ATP10A: variants seen among roughly 807,000 people sequenced by gnomAD.
The protein encoded by ATP10A is phospholipid-transporting ATPase VA.
In ATP10A, 111 loss-of-function variants were observed where a neutral mutation model predicts 147.8. The ratio of observed to expected loss-of-function variants is 0.75; its 90% confidence interval spans 0.64 to 0.88. ATP10A has a LOEUF of 0.88. ATP10A is among the 40% of genes least tolerant of loss of function. ATP10A has a pLI of 0.00. For synonymous variants in ATP10A, 875 were observed against 841.6 expected (o/e 1.04, Z -0.69); for missense variants, 1,927 against 1,959.0 (o/e 0.98, Z 0.31).
chr15:25,774,741 A>G (rs1889524644), intron 2 of ATP10A, among the ~76,000 whole-genome samples: 1 of 152,204 alleles, frequency 6.6e-6, no homozygotes, highest in Admixed American at 6.5e-5. Context: ...AAATAAACAC[A>G]GTTAATATGA....
At chr15:25,709,915 G>A in intron 10 of ATP10A, 1 of 152,242 alleles carries the variant, frequency 6.6e-6, no homozygotes, top group Non-Finnish European at 1.5e-5. Flanking sequence ...ACTCTGATGG[G>A]GGGTAGGAGA....
At chr15:25,726,132 G>T in intron 4 of ATP10A, 50 bp from the exon 5 acceptor site, 1 of 1,590,340 alleles carries the variant, frequency 6.3e-7, no homozygotes, top group South Asian at 1.1e-5. Context: ...GGAGCTAAGG[G>T]ACCAGCTGCA....
chr15:25,803,636 T>C (rs1306849733), intron 1 of ATP10A, among the ~76,000 whole-genome samples: 2 of 152,182 alleles, frequency 1.3e-5, no homozygotes, highest in African/African-American at 2.4e-5. Flanking sequence ...TACACACGTA[T>C]ACATTCCCCA....
chr15:25,701,438 G>C (rs1419081138), intron 13 of ATP10A, among the ~76,000 whole-genome samples: 4 of 152,320 alleles, frequency 2.6e-5, no homozygotes, highest in African/African-American at 9.6e-5. Context: ...GAAAGCCGGC[G>C]CAAGAAGTTT....
intron 6 of ATP10A, among the ~76,000 whole-genome samples, chr15:25,723,058 A>G (rs1567333287): frequency 6.6e-6 from 1 of 152,222 alleles, no homozygotes; most frequent in Admixed American, 6.5e-5. Context: ...TGTTCAAAGC[A>G]AAGGACTAGG....
chr15:25,696,589 G>C (rs1567308105), intron 13 of ATP10A, among the ~76,000 whole-genome samples: 1 of 152,226 alleles, frequency 6.6e-6, no homozygotes, highest in East Asian at 1.9e-4. Context: ...CGATGGACCG[G>C]GAGAGGAGAC....
Position 25,714,175 on chromosome 15 carries a change from G to A in ATP10A, c.1843C>T (p.Pro615Ser). The change falls in exon 10 of 21, where the codon CCC becomes TCC. Residue 615 changes from proline (P) to serine (S), a missense_variant. Physicochemically the swap from Pro to Ser is moderately conservative, Grantham distance 74. Coordinates refer to ENST00000555815, the MANE Select transcript of ATP10A (RefSeq NM_024490.4). ...CTGCAGCCTGAGGTCAGGCAGCTGG[G>A]TGTGAACCTCCGCAGGAAGTCTTCT... is the stretch of plus-strand genomic sequence containing the variant. ...TIEDFLRRFT[P>S]SCLTSGCSSI... 3.7e-6 allele frequency: 6 copies of A among 1,608,396 alleles called. No individual in the cohort carries two copies. Among genetic ancestry groups the A allele is most frequent in the Non-Finnish European group, 4.2e-6 (5 of 1,180,010 alleles).
intron 7 of ATP10A, 63 bp downstream of exon 7, chr15:25,721,594 A>T: frequency 6.5e-7 from 1 of 1,546,920 alleles, no homozygotes; most frequent in Non-Finnish European, 8.8e-7. Context: ...GTCTCCAAAC[A>T]ATTCTGGATA....
At chr15:25,763,723 A>G (rs1307188524) in intron 2 of ATP10A, among the ~76,000 whole-genome samples, 1 of 152,174 alleles carries the variant, frequency 6.6e-6, no homozygotes, top group East Asian at 1.9e-4. Flanking sequence ...TGCTGTTAAT[A>G]ATTAACTACT....
At chr15:25,693,699 C>T (rs1431721579) in intron 14 of ATP10A, among the ~76,000 whole-genome samples, 4 of 152,298 alleles carry the variant, frequency 2.6e-5, no homozygotes, top group South Asian at 2.1e-4. Flanking sequence ...CTGTTAGGTT[C>T]CCCGGGCCTC....
chr15:25,713,063 G>A (rs1185834252), intron 10 of ATP10A, among the ~76,000 whole-genome samples: 1 of 152,212 alleles, frequency 6.6e-6, no homozygotes, highest in Non-Finnish European at 1.5e-5. Flanking sequence ...GAAGCCCGTG[G>A]CAGGCAGTAG....
intron 3 of ATP10A, among the ~76,000 whole-genome samples, chr15:25,730,751 G>A (rs1902933047): frequency 6.6e-6 from 1 of 151,836 alleles, no homozygotes; most frequent in Admixed American, 6.6e-5. Flanking sequence ...ATAATCAGAT[G>A]TTCATATTTT....
chr15:25,701,771 A>C lies in ATP10A; in HGVS notation c.2760+145T>G, dbSNP rs559812292. 10 of 741,118 alleles carry C rather than the reference A, an allele frequency of 1.3e-5. No individual in the cohort carries two copies. In the South Asian group the frequency reaches 2.1e-4, roughly 16 times the overall value. The allele number at this position is 741,118 out of a possible 1,614,324, so 45.9% of individuals were successfully genotyped here. A position where few individuals can be genotyped will look rare whatever the true frequency, so the allele number is the denominator to read the frequency against. ...CAGCAAACTTTACCTCTTCCAAGGC[A>C]ATAACATGCACATCCTAAACCCGAA... On this transcript the variant is annotated intron_variant, in intron 13 of 20. Transcript: ENST00000555815.
chr15:25,685,395 G>A (rs757927771), intron 16 of ATP10A, among the ~76,000 whole-genome samples: 4 of 152,158 alleles, frequency 2.6e-5, no homozygotes, highest in Non-Finnish European at 4.4e-5. Flanking sequence ...CCCGTTCCAG[G>A]TGACCACTAG....
intron 5 of ATP10A, among the ~76,000 whole-genome samples, chr15:25,725,022 T>A (rs558432591): frequency 3.3e-5 from 5 of 152,352 alleles, no homozygotes; most frequent in Middle Eastern, 6.8e-3. Context: ...AGACTGGTAC[T>A]GGTCCATGGC....
intron 15 of ATP10A, among the ~76,000 whole-genome samples, chr15:25,688,731 CAAGTGGTA>C (rs1899840713): frequency 6.6e-6 from 1 of 152,202 alleles, no homozygotes; most frequent in Admixed American, 6.5e-5. Context: ...AGTTATGCCT[CAAGTGGTA>C]CGCTTGAAAT....
intron 2 of ATP10A, among the ~76,000 whole-genome samples, chr15:25,754,346 G>A (rs1224745482): frequency 6.6e-6 from 1 of 152,142 alleles, no homozygotes; most frequent in African/African-American, 2.4e-5. Context: ...GTGTTGGCCA[G>A]GATGGTCTCG....
intron 1 of ATP10A, among the ~76,000 whole-genome samples, chr15:25,824,282 G>C (rs1892013474): frequency 6.6e-6 from 1 of 151,872 alleles, no homozygotes; most frequent in African/African-American, 2.4e-5. Context: ...TTCCAGACTA[G>C]ACTGGACAAC....
At chr15:25,744,373 TGA>T (rs1209814471) in intron 2 of ATP10A, among the ~76,000 whole-genome samples, 1 of 152,188 alleles carries the variant, frequency 6.6e-6, no homozygotes, top group Admixed American at 6.5e-5. Context: ...TGTATGTGTG[TGA>T]GTGTGTGTAT....
Sources: gnomAD v4.1 joint callset for allele counts (sites outside exome capture counted in the v4.1 genomes callset) on GRCh38, gnomAD v4.1.1 for gene constraint, MANE v1.5 for transcripts, NCBI Gene and HGNC (gene_info 2026-07-23, HGNC 2026-07-21) for gene names.